SUGCT: variants seen among roughly 807,000 people sequenced by gnomAD.
SUGCT encodes succinyl-CoA:glutarate-CoA transferase, also known as succinyl-CoA:glutarate CoA-transferase.
Under a neutral mutation model 55.0 loss-of-function variants are expected in SUGCT, and 41 were observed. That is an observed-to-expected ratio of 0.74 (90% CI 0.58 to 0.97). The LOEUF (loss-of-function observed/expected upper bound fraction) is 0.97. SUGCT is among the 50% of genes least tolerant of loss of function. SUGCT has a pLI of 0.00. For synonymous variants in SUGCT, 187 were observed against 200.4 expected (o/e 0.93, Z 0.56); for missense variants, 568 against 547.8 (o/e 1.04, Z -0.37).
intron 12 of SUGCT, among the ~76,000 whole-genome samples, chr7:40,719,178 C>T (rs1786184374): frequency 1.3e-5 from 2 of 152,224 alleles, no homozygotes; most frequent in African/African-American, 4.8e-5. Context: ...AGGGCATTGA[C>T]TGTGTCCTGC....
At chr7:41,013,017 AATATATAT>A in the SUGCT span, among the ~76,000 whole-genome samples, 56,747 of 147,694 alleles carry the variant, frequency 0.38, 11,615 homozygotes, top group South Asian at 0.51. Flanking sequence ...CTCTGATTTA[AATATATAT>A]ATATATATAT....
At chr7:40,293,282 C>T (rs1364980375) in intron 8 of SUGCT, among the ~76,000 whole-genome samples, 1 of 152,130 alleles carries the variant, frequency 6.6e-6, no homozygotes, top group African/African-American at 2.4e-5. Context: ...CTCAGGAGGA[C>T]TCAACTTGGT....
At chr7:40,644,006 T>C (rs1415068522) in intron 12 of SUGCT, among the ~76,000 whole-genome samples, 2 of 152,100 alleles carry the variant, frequency 1.3e-5, no homozygotes, top group Non-Finnish European at 2.9e-5. Flanking sequence ...AACCTGTCGT[T>C]TGGGATGGGT....
the SUGCT span, among the ~76,000 whole-genome samples, chr7:40,959,501 G>C: frequency 3.9e-5 from 6 of 152,106 alleles, no homozygotes; most frequent in Non-Finnish European, 8.8e-5. Flanking sequence ...CCTCAGTAAT[G>C]GTGGATGACC....
intron 9 of SUGCT, among the ~76,000 whole-genome samples, chr7:40,359,169 A>G (rs2151217285): frequency 6.8e-6 from 1 of 147,734 alleles, no homozygotes; most frequent in East Asian, 1.9e-4. Flanking sequence ...ATGTACATGT[A>G]TGTATGTATG....
At chr7:40,502,161 C>T (rs1331291220) in intron 12 of SUGCT, among the ~76,000 whole-genome samples, 1 of 151,996 alleles carries the variant, frequency 6.6e-6, no homozygotes, top group East Asian at 1.9e-4. Flanking sequence ...CTAGCATGTG[C>T]TATAGTTTAT....
chr7:40,976,844 A>C, the SUGCT span, among the ~76,000 whole-genome samples: 62,945 of 152,110 alleles, frequency 0.41, 14,519 homozygotes, highest in Admixed American at 0.55. Flanking sequence ...CCTCTCTAAC[A>C]GGCTGTTCAA....
rs1019401515 is a variant in SUGCT at position 40,368,196 on chromosome 7, ATTAT to A, written c.816+51356_816+51359del. Among the ~76,000 whole-genome samples, 13 of 151,732 alleles carry A rather than the reference ATTAT, an allele frequency of 8.6e-5. No homozygotes were observed. In the South Asian group the frequency reaches 1.5e-3, roughly 17 times the overall value. On this transcript the variant is annotated intron_variant, in intron 9 of 13. Coordinates refer to ENST00000335693, the MANE Select transcript of SUGCT (RefSeq NM_001193313.2). ...TTAGTCTATACTTTTTTATTTTGTGATTATTTATTTATTTATTTTTGAGATGGAG... is the reference window on the plus strand; with the variant it reads ...TTAGTCTATACTTTTTTATTTTGTGATTATTTATTTATTTTTGAGATGGAG...
chr7:40,168,741 G>T (rs1784535944), intron 1 of SUGCT, among the ~76,000 whole-genome samples: 2 of 152,194 alleles, frequency 1.3e-5, no homozygotes, highest in South Asian at 4.1e-4. Flanking sequence ...TCCTTCTTCG[G>T]CGGCTAGCCA....
intron 9 of SUGCT, among the ~76,000 whole-genome samples, chr7:40,373,386 A>AATT (rs920520365): frequency 3.9e-4 from 1 of 2,582 alleles, no homozygotes; most frequent in African/African-American, 4.7e-4. Flanking sequence ...TAATATATAG[A>AATT]ATTTAGATCA....
At chr7:40,846,292 A>G (rs1160748804) in intron 13 of SUGCT, among the ~76,000 whole-genome samples, 1 of 152,152 alleles carries the variant, frequency 6.6e-6, no homozygotes, top group Non-Finnish European at 1.5e-5. Context: ...TTTGGCAAAG[A>G]GCACGTTGTC....
intron 12 of SUGCT, among the ~76,000 whole-genome samples, chr7:40,600,036 A>T (rs904833876): frequency 6.6e-6 from 1 of 152,162 alleles, no homozygotes; most frequent in African/African-American, 2.4e-5. Flanking sequence ...GCTCTGGAGA[A>T]ACATTTCTTG....
intron 12 of SUGCT, among the ~76,000 whole-genome samples, chr7:40,635,154 C>T (rs1243311280): frequency 4.6e-5 from 7 of 151,954 alleles, no homozygotes; most frequent in Non-Finnish European, 7.4e-5. Context: ...GGCATGGTGG[C>T]CAGTGCCTGT....
intron 9 of SUGCT, among the ~76,000 whole-genome samples, chr7:40,387,061 TGG>T (rs1785164820): frequency 6.6e-6 from 1 of 152,184 alleles, no homozygotes; most frequent in Non-Finnish European, 1.5e-5. Flanking sequence ...CTGTGGTAGC[TGG>T]GCTACCCTGT....
At chr7:40,651,924 T>C (rs1425148696) in intron 12 of SUGCT, among the ~76,000 whole-genome samples, 2 of 152,164 alleles carry the variant, frequency 1.3e-5, no homozygotes, top group Non-Finnish European at 2.9e-5. Context: ...CATTTTGTCA[T>C]CACTCATTTT....
intron 6 of SUGCT, among the ~76,000 whole-genome samples, chr7:40,219,647 T>G (rs1787912386): frequency 1.3e-5 from 2 of 152,040 alleles, no homozygotes; most frequent in African/African-American, 4.8e-5. Context: ...CCACCAGGTA[T>G]GCCAATCACG....
chr7:40,209,655 G>A (rs975564497), intron 6 of SUGCT, among the ~76,000 whole-genome samples: 7 of 152,106 alleles, frequency 4.6e-5, no homozygotes, highest in Non-Finnish European at 8.8e-5. Flanking sequence ...AATTATCCAG[G>A]TGTGGTGGCG....
chr7:40,514,479 A>G (rs189842911), intron 12 of SUGCT, among the ~76,000 whole-genome samples: 83 of 152,124 alleles, frequency 5.5e-4, no homozygotes, highest in African/African-American at 1.9e-3. Context: ...GAGGCCGAGG[A>G]GGCTGGATCA....
intron 1 of SUGCT, among the ~76,000 whole-genome samples, chr7:40,143,740 G>A (rs1289296879): frequency 6.6e-6 from 1 of 152,152 alleles, no homozygotes; most frequent in African/African-American, 2.4e-5. Flanking sequence ...AGTTGTGAGA[G>A]GTTTTGGAAG....
Sources: gnomAD v4.1 joint callset for allele counts (sites outside exome capture counted in the v4.1 genomes callset) on GRCh38, gnomAD v4.1.1 for gene constraint, MANE v1.5 for transcripts, NCBI Gene and HGNC (gene_info 2026-07-23, HGNC 2026-07-21) for gene names.